SYNE2: variants seen among roughly 807,000 people sequenced by gnomAD.
SYNE2 encodes nesprin-2.
SYNE2 carries 431 observed loss-of-function variants against 856.3 expected under a neutral mutation model. That is an observed-to-expected ratio of 0.50 (90% CI 0.47 to 0.55). SYNE2 has a LOEUF of 0.55. Among genes scored for constraint, SYNE2 ranks in the 20% least tolerant of loss-of-function variants. SYNE2 has a pLI of 0.00. For synonymous variants in SYNE2, 2,923 were observed against 2,872.3 expected (o/e 1.02, Z -0.56); for missense variants, 8,129 against 8,023.2 (o/e 1.01, Z -0.50).
chr14:64,224,345 TCTAAAA>T, intron 113 of SYNE2, 110 bp from the exon 114 acceptor site: 1 of 1,033,408 alleles, frequency 9.7e-7, no homozygotes, highest in South Asian at 1.3e-5. Flanking sequence ...AGTGAGACTG[TCTAAAA>T]CAAAACAAAA....
At chr14:63,991,803 C>T (rs2096668692) in intron 21 of SYNE2, among the ~76,000 whole-genome samples, 1 of 152,112 alleles carries the variant, frequency 6.6e-6, no homozygotes, top group Non-Finnish European at 1.5e-5. Context: ...GCATTTAGCA[C>T]ACTTTATTGA....
chr14:64,199,726 A>T (rs932351722), intron 99 of SYNE2, among the ~76,000 whole-genome samples: 1 of 151,654 alleles, frequency 6.6e-6, no homozygotes, highest in African/African-American at 2.4e-5. Context: ...AAAAAAAAAA[A>T]AAAAAAAAAA....
intron 45 of SYNE2, among the ~76,000 whole-genome samples, chr14:64,035,005 C>T (rs1254758088): frequency 6.6e-6 from 1 of 150,406 alleles, no homozygotes; most frequent in Non-Finnish European, 1.5e-5. Context: ...TTGCCCCATC[C>T]TTCCGAAATA....
rs1411944161 is a variant in SYNE2, at chr14:63,948,738, A to G, written c.409-1087A>G. On this transcript the variant is annotated intron_variant, in intron 6 of 115. Transcript: ENST00000555002. The stretch of plus-strand genomic sequence containing the variant: ...TATATGTGTGTATATATATGTGTAT[A>G]GATATGTGTGTGTATATATATGTAT... 5.7e-3 allele frequency among the ~76,000 whole-genome samples: 422 copies of G among 73,676 alleles called. 16 individuals are homozygous for G. The highest frequency in any genetic ancestry group is 0.018 in the Middle Eastern group (3 of 166). 48.3% of individuals were successfully genotyped at this position (73,676 alleles called of 152,430 possible).
At chr14:64,064,761 C>G (rs2097345182) in intron 50 of SYNE2, among the ~76,000 whole-genome samples, 5 of 151,598 alleles carry the variant, frequency 3.3e-5, no homozygotes, top group Admixed American at 3.3e-4. Context: ...GCTATGTTGC[C>G]TTGCTATGTC....
Position 64,087,548 on chromosome 14 carries a change from G to A in SYNE2, c.11485-123G>A, listed in dbSNP as rs72720309. 0.08 allele frequency: 83,442 copies of A among 1,045,970 alleles called. 3,861 individuals are homozygous for A. The highest frequency in any genetic ancestry group is 0.17 in the African/African-American group (11,027 of 63,784). The allele number at this position is 1,045,970 out of a possible 1,614,324, so 64.8% of individuals were successfully genotyped here. ...TAGAGGGTGTTCTGTTTTCATTATC[G>A]AACTAGAAATGACTAGTTTAAAATG... On this transcript the variant is annotated intron_variant, in intron 57 of 115. Transcript: ENST00000555002.
chr14:63,863,944 C>T (rs547533657), intron 1 of SYNE2, among the ~76,000 whole-genome samples: 2 of 152,258 alleles, frequency 1.3e-5, no homozygotes, highest in South Asian at 4.1e-4. Flanking sequence ...GCCTCAGCCT[C>T]CTGAATAGCT....
intron 76 of SYNE2, among the ~76,000 whole-genome samples, chr14:64,130,604 G>A (rs1431504194): frequency 1.3e-5 from 2 of 151,930 alleles, no homozygotes; most frequent in South Asian, 2.1e-4. Context: ...GGCTTTCCTG[G>A]CCATGCGCAG....
At chr14:63,809,534 C>A (rs572667939) in intron 1 of SYNE2, among the ~76,000 whole-genome samples, 1 of 152,124 alleles carries the variant, frequency 6.6e-6, no homozygotes, top group Admixed American at 6.6e-5. Context: ...TGCTGGAGTG[C>A]GGGGGCATGA....
intron 96 of SYNE2, among the ~76,000 whole-genome samples, chr14:64,183,698 G>A (rs1050195324): frequency 5.3e-4 from 80 of 152,298 alleles, no homozygotes; most frequent in African/African-American, 1.8e-3. Flanking sequence ...CAGATCACTC[G>A]TGGTTAGGAG....
intron 94 of SYNE2, among the ~76,000 whole-genome samples, chr14:64,174,228 T>C (rs560784796): frequency 7.1e-4 from 108 of 152,214 alleles, no homozygotes; most frequent in South Asian, 3.5e-3. Context: ...TCCACCACCA[T>C]GCCTGGCTAA....
At chr14:63,815,631 C>A (rs965672041) in intron 1 of SYNE2, among the ~76,000 whole-genome samples, 1 of 152,106 alleles carries the variant, frequency 6.6e-6, no homozygotes, top group East Asian at 1.9e-4. Context: ...CAAGTTGACA[C>A]TCAGTATTAA....
At chr14:64,042,172 A>G (rs2097153881) in intron 45 of SYNE2, among the ~76,000 whole-genome samples, 1 of 152,220 alleles carries the variant, frequency 6.6e-6, no homozygotes, top group Non-Finnish European at 1.5e-5. Flanking sequence ...ATAATCTGTT[A>G]ACATGGATAA....
intron 1 of SYNE2, among the ~76,000 whole-genome samples, chr14:63,789,044 G>T (rs1477404085): frequency 6.6e-6 from 1 of 152,156 alleles, no homozygotes; most frequent in East Asian, 1.9e-4. Flanking sequence ...AGAAAGAATG[G>T]ATTTCTGTTA....
chr14:64,225,554 C>T lies in SYNE2; in HGVS notation c.*28C>T. On this transcript the variant is annotated 3_prime_UTR_variant, in exon 116 of 116. Coordinates refer to ENST00000555002, the MANE Select transcript of SYNE2 (RefSeq NM_182914.3). ...GGCATAGCTGGCCACAGTGCTACAC[C>T]ACCTGCCTGATTGCCAAGGGTGCCC... is the stretch of plus-strand genomic sequence containing the variant. 1.9e-6 allele frequency: 3 copies of T among 1,609,124 alleles called. No individual in the cohort carries two copies. The highest frequency in any genetic ancestry group is 3.4e-5 in the Admixed American group (2 of 59,678).
intron 1 of SYNE2, among the ~76,000 whole-genome samples, chr14:63,894,205 A>AT (rs760402717): frequency 0.028 from 3,878 of 139,762 alleles, 142 homozygotes; most frequent in African/African-American, 0.082. Context: ...CATTTTATGG[A>AT]TTTTTTTTTT....
chr14:64,076,199 A>G lies in SYNE2; in HGVS notation c.11022+99A>G, dbSNP rs1042725004. On this transcript the variant is annotated intron_variant, in intron 54 of 115. Transcript: ENST00000555002. ...GTCAAATTCCATTTGCCAGGATTTC[A>G]GCTATAACTTCTTTTAAGAGTTAAG... 2.2e-6 allele frequency: 3 copies of G among 1,359,568 alleles called. No individual in the cohort carries two copies. In the Admixed American group the frequency reaches 6.0e-5, roughly 27 times the overall value. 84.2% of individuals were successfully genotyped at this position (1,359,568 alleles called of 1,614,324 possible).
intron 2 of SYNE2, among the ~76,000 whole-genome samples, chr14:63,935,829 C>T (rs11624124): frequency 1.3e-5 from 2 of 151,958 alleles, no homozygotes; most frequent in Admixed American, 6.5e-5. Flanking sequence ...GCCTGGGCAA[C>T]GTAGTCAGAC....
chr14:64,028,602 G>C (rs1213264601), intron 43 of SYNE2, among the ~76,000 whole-genome samples: 1 of 152,008 alleles, frequency 6.6e-6, no homozygotes, highest in Non-Finnish European at 1.5e-5. Context: ...AAGGATGGAG[G>C]AATAAATCCA....
Sources: gnomAD v4.1 joint callset for allele counts (sites outside exome capture counted in the v4.1 genomes callset) on GRCh38, gnomAD v4.1.1 for gene constraint, MANE v1.5 for transcripts, NCBI Gene and HGNC (gene_info 2026-07-23, HGNC 2026-07-21) for gene names.